SLC35D1: variants seen among roughly 807,000 people sequenced by gnomAD.
The protein encoded by SLC35D1 is solute carrier family 35 member D1, also known as nucleotide sugar transporter SLC35D1.
Under a neutral mutation model 46.7 loss-of-function variants are expected in SLC35D1, and 31 were observed. The observed-to-expected ratio is 0.66, with a 90% CI of 0.50 to 0.90. The LOEUF is 0.90. Ranked by LOEUF, SLC35D1 falls within the 40% of genes least tolerant of loss-of-function variation. SLC35D1 has a pLI of 0.00. For synonymous variants in SLC35D1, 195 were observed against 164.6 expected, an observed-to-expected ratio of 1.18 and a Z score of -1.41; for missense variants, 397 against 426.2, an observed-to-expected ratio of 0.93 and a Z score of 0.60.
the SLC35D1 span, chr1:66,988,332 C>A: frequency 6.6e-6 from 1 of 152,306 alleles, no homozygotes; most frequent in Non-Finnish European, 1.5e-5. Context: ...AATTAACTCT[C>A]TTCTTTAATA....
intron 4 of SLC35D1, among the ~76,000 whole-genome samples, chr1:67,051,617 C>A (rs1438639963): frequency 6.6e-6 from 1 of 152,122 alleles, no homozygotes; most frequent in African/African-American, 2.4e-5. Flanking sequence ...TTGTGCCTAC[C>A]CTCTAATTTT....
In SLC35D1 at chr1:67,052,974, TAGTG is replaced by T; in HGVS notation, c.215_218del (p.Ser72TyrfsTer23). ...AACTAACCTGGCCAAGTCCAACACA[TAGTG>T]AGGAGGGAAATCTACAAAAAGGGCA... On this transcript the variant is annotated frameshift_variant, in exon 2 of 12. Coordinates refer to ENST00000235345, the MANE Select transcript of SLC35D1 (RefSeq NM_015139.3). LOFTEE classifies it high-confidence loss of function. 6.2e-7 allele frequency: 1 copy of T among 1,613,710 alleles called. No homozygotes were observed. Among genetic ancestry groups the T allele is most frequent in the Non-Finnish European group, 8.5e-7 (1 of 1,179,958 alleles).
chr1:67,018,087 G>C (rs1031016357), intron 10 of SLC35D1, among the ~76,000 whole-genome samples: 1 of 151,996 alleles, frequency 6.6e-6, no homozygotes. Flanking sequence ...CATTGAAAAA[G>C]GCCAAAAAGA....
chr1:67,047,222 C>T (rs745955965), intron 7 of SLC35D1, 43 bp downstream of exon 7: 16 of 1,480,632 alleles, frequency 1.1e-5, no homozygotes, highest in Non-Finnish European at 1.3e-5. Flanking sequence ...ATTGACATGC[C>T]AACATCAGTA....
chr1:67,053,950 T>G lies in SLC35D1; in HGVS notation c.64A>C (p.Thr22Pro). 6.2e-7 allele frequency: 1 copy of G among 1,613,658 alleles called. No homozygotes were observed. The highest frequency in any genetic ancestry group is 8.5e-7 in the Non-Finnish European group (1 of 1,179,682). ...VKGEAPAKSS[T>P]LRDEEELGMA... is the part of the protein sequence containing the mutation. ...CCCAGCTCCTCCTCATCTCGGAGTG[T>G]GGAGGATTTCGCGGGGGCTTCTCCT... The change falls in exon 1 of 12, where the codon ACA becomes CCA. Residue 22 changes from threonine to proline, a missense_variant. By Grantham distance (38) the Thr-to-Pro change is conservative. Transcript: ENST00000235345.
intron 7 of SLC35D1, among the ~76,000 whole-genome samples, chr1:67,045,362 C>A (rs1645241819): frequency 6.6e-6 from 1 of 152,152 alleles, no homozygotes; most frequent in African/African-American, 2.4e-5. Context: ...GTATTATGTT[C>A]TTATTCAGTG....
At chr1:66,975,990 T>TTGTG in the SLC35D1 span, among the ~76,000 whole-genome samples, 8 of 151,640 alleles carry the variant, frequency 5.3e-5, no homozygotes, top group South Asian at 4.2e-4. Context: ...GGCCTTTTTT[T>TTGTG]TGTGTGTGTG....
At chr1:67,012,712 A>G (rs1287162717) in intron 10 of SLC35D1, among the ~76,000 whole-genome samples, 1 of 152,148 alleles carries the variant, frequency 6.6e-6, no homozygotes, top group Non-Finnish European at 1.5e-5. Context: ...CAAAGTTAAA[A>G]TCCTTTGTAA....
At chr1:66,980,645 A>T in the SLC35D1 span, among the ~76,000 whole-genome samples, 1 of 152,168 alleles carries the variant, frequency 6.6e-6, no homozygotes, top group African/African-American at 2.4e-5. Flanking sequence ...TATTTCTATC[A>T]TACTTATGCT....
the SLC35D1 span, among the ~76,000 whole-genome samples, chr1:66,989,305 G>A: frequency 6.6e-6 from 1 of 152,126 alleles, no homozygotes; most frequent in Non-Finnish European, 1.5e-5. Context: ...TATTCTCATC[G>A]TTGTTAACAT....
At chr1:67,045,398 C>G (rs1401352983) in intron 7 of SLC35D1, among the ~76,000 whole-genome samples, 1 of 151,882 alleles carries the variant, frequency 6.6e-6, no homozygotes, top group African/African-American at 2.4e-5. Flanking sequence ...TTTAATAGAC[C>G]CTGTATCTTT....
chr1:67,035,802 TTTC>T (rs1217016666), intron 8 of SLC35D1, among the ~76,000 whole-genome samples: 4 of 109,068 alleles, frequency 3.7e-5, no homozygotes, highest in Non-Finnish European at 7.8e-5. Context: ...ATTTGAAGTT[TTTC>T]TTTTTTTTTT....
chr1:66,975,941 C>CTTTTACTATTATTAGCAAA, the SLC35D1 span, among the ~76,000 whole-genome samples: 2 of 152,070 alleles, frequency 1.3e-5, no homozygotes, highest in Admixed American at 6.6e-5. Context: ...TATTAGCAAA[C>CTTTTACTATTATTAGCAAA]TGTTTATAAC....
intron 8 of SLC35D1, among the ~76,000 whole-genome samples, chr1:67,025,552 C>T (rs1303097699): frequency 6.6e-6 from 1 of 152,182 alleles, no homozygotes; most frequent in East Asian, 1.9e-4. Context: ...TTTGACTATA[C>T]TAAGTCCTTT....
At chr1:66,992,162 T>A in the SLC35D1 span, among the ~76,000 whole-genome samples, 9 of 152,314 alleles carry the variant, frequency 5.9e-5, no homozygotes, top group South Asian at 1.9e-3. Context: ...TGTATTGACA[T>A]GAATTTCAGG....
the SLC35D1 span, among the ~76,000 whole-genome samples, chr1:66,977,696 T>G: frequency 6.6e-6 from 1 of 152,038 alleles, no homozygotes; most frequent in African/African-American, 2.4e-5. Context: ...CAGAAAAGAG[T>G]ATTGAACCCC....
At chr1:66,973,580 T>C in the SLC35D1 span, among the ~76,000 whole-genome samples, 1 of 152,064 alleles carries the variant, frequency 6.6e-6, no homozygotes, top group Non-Finnish European at 1.5e-5. Context: ...TAATTTATAC[T>C]CCAAATAGCT....
At chr1:67,029,771 TTTG>T (rs934274465) in intron 8 of SLC35D1, among the ~76,000 whole-genome samples, 15 of 152,170 alleles carry the variant, frequency 9.9e-5, no homozygotes, top group Admixed American at 9.8e-4. Flanking sequence ...ATCTACATAA[TTTG>T]TTTTTAAAAA....
intron 10 of SLC35D1, among the ~76,000 whole-genome samples, chr1:67,012,595 T>C (rs1218743918): frequency 1.4e-5 from 2 of 138,902 alleles, no homozygotes; most frequent in Non-Finnish European, 3.0e-5. Context: ...TTCTAAACAA[T>C]TGATGAGAAG....
Sources: gnomAD v4.1 joint callset for allele counts (sites outside exome capture counted in the v4.1 genomes callset) on GRCh38, gnomAD v4.1.1 for gene constraint, MANE v1.5 for transcripts, NCBI Gene and HGNC (gene_info 2026-07-23, HGNC 2026-07-21) for gene names.